Variants in NBAS observed in about 807,000 individuals in gnomAD.
The protein encoded by NBAS is NBAS subunit of NRZ tethering complex.
In NBAS, 219 loss-of-function variants were observed where a neutral mutation model predicts 302.5. That is an observed-to-expected ratio of 0.72 (90% confidence interval 0.65 to 0.81). NBAS has a LOEUF of 0.81. NBAS is among the 30% of genes least tolerant of loss of function. The pLI is 0.00. For synonymous variants in NBAS, 1,118 were observed against 1,021.6 expected (o/e 1.09, Z -1.80); for missense variants, 2,932 against 2,841.6 (o/e 1.03, Z -0.72).
chr2:15,275,777 G>C lies in NBAS; in HGVS notation c.5431C>G (p.Leu1811Val). The C allele has an allele frequency of 6.2e-7, 1 of 1,614,024 alleles. No homozygotes were observed. Among genetic ancestry groups the C allele is most frequent in the Non-Finnish European group, 8.5e-7 (1 of 1,180,012 alleles). The change falls in exon 44 of 52, where the codon CTT becomes GTT. Residue 1811 changes from leucine to valine, a missense_variant. Coordinates refer to ENST00000281513, the MANE Select transcript of NBAS (RefSeq NM_015909.4). Reference sequence around the variant, plus strand: ...GAAAGAACTGGCTCCAATGCTTCAAGAGGACTCATGTTTTCATCTGTCAGC... The same window carrying C: ...GAAAGAACTGGCTCCAATGCTTCAACAGGACTCATGTTTTCATCTGTCAGC... ...KKLTDENMSP[L>V]EALEPVLSSQ... is the part of the protein sequence containing the mutation.
the NBAS span, among the ~76,000 whole-genome samples, chr2:14,942,714 C>T: frequency 6.6e-6 from 1 of 152,310 alleles, no homozygotes; most frequent in Non-Finnish European, 1.5e-5. Flanking sequence ...CCTATTGACA[C>T]AAGGAGAAGC....
the NBAS span, among the ~76,000 whole-genome samples, chr2:14,912,701 TTTAAAAAA>T: frequency 0.17 from 12,301 of 73,418 alleles, 639 homozygotes; most frequent in African/African-American, 0.24. Context: ...TGCATTCATT[TTTAAAAAA>T]AAAAAAAAAA....
chr2:14,820,125 A>G, the NBAS span, among the ~76,000 whole-genome samples: 220 of 152,336 alleles, frequency 1.4e-3, no homozygotes, highest in African/African-American at 5.1e-3. Flanking sequence ...GAAACTAAAA[A>G]TTGAGCTACT....
In NBAS at chr2:15,561,268, C is replaced by A. The variant is rs1424478817; in HGVS notation, c.37G>T (p.Gly13Cys). The change falls in exon 1 of 52, where the codon GGC becomes TGC. Residue 13 changes from glycine (G) to cysteine (C), a missense_variant. Coordinates refer to ENST00000281513, the MANE Select transcript of NBAS (RefSeq NM_015909.4). ...APESGPALSPGTAEGEEETIL... is the reference protein window; with the variant it reads ...APESGPALSPCTAEGEEETIL... ...GTCTCCTCCTCACCCTCTGCAGTGC[C>A]TGGACTCAAAGCCGGCCCTGACTCG... 1 of 1,613,844 alleles carries A rather than the reference C, an allele frequency of 6.2e-7. No individual in the cohort carries two copies. Among genetic ancestry groups the A allele is most frequent in the African/African-American group, 1.3e-5 (1 of 74,934 alleles).
intron 41 of NBAS, among the ~76,000 whole-genome samples, chr2:15,291,201 A>G (rs1670289400): frequency 6.6e-6 from 1 of 152,238 alleles, no homozygotes; most frequent in Admixed American, 6.5e-5. Context: ...TGTGGTGAAG[A>G]TGTGAGGCTT....
chr2:15,353,791 G>C (rs1054207621), intron 33 of NBAS, 81 bp from the exon 34 acceptor site: 3 of 1,578,596 alleles, frequency 1.9e-6, no homozygotes, highest in South Asian at 1.1e-5. Context: ...ATGGCTTCCT[G>C]CTCAGGTCTT....
At chr2:14,988,943 T>A in the NBAS span, among the ~76,000 whole-genome samples, 3 of 152,142 alleles carry the variant, frequency 2.0e-5, no homozygotes, top group Non-Finnish European at 4.4e-5. Context: ...ATGAGTTTAT[T>A]TTAAGAAATA....
At chr2:15,437,002 C>CG (rs1341683641) in intron 21 of NBAS, among the ~76,000 whole-genome samples, 5 of 152,098 alleles carry the variant, frequency 3.3e-5, no homozygotes, top group Admixed American at 6.5e-5. Context: ...TAAGGGTATA[C>CG]GCAATGCTTT....
chr2:15,265,500 T>G (rs1393486568), intron 44 of NBAS, among the ~76,000 whole-genome samples: 6 of 152,146 alleles, frequency 3.9e-5, no homozygotes, highest in Non-Finnish European at 2.9e-5. Context: ...TTTTTGTGAG[T>G]GAATACACTG....
At chr2:14,994,563 T>G in the NBAS span, among the ~76,000 whole-genome samples, 2 of 152,140 alleles carry the variant, frequency 1.3e-5, no homozygotes, top group African/African-American at 4.8e-5. Flanking sequence ...TGGCTGACGC[T>G]CCTCGATTCT....
chr2:15,300,410 T>C (rs991001302), intron 40 of NBAS, among the ~76,000 whole-genome samples: 5 of 152,384 alleles, frequency 3.3e-5, no homozygotes, highest in East Asian at 3.9e-4. Flanking sequence ...TCAGCAGTGC[T>C]GTTTTATGCA....
At chr2:15,527,668 G>A (rs188869108) in intron 9 of NBAS, among the ~76,000 whole-genome samples, 158 of 152,176 alleles carry the variant, frequency 1.0e-3, no homozygotes, top group Middle Eastern at 3.4e-3. Flanking sequence ...TAATGCCGTC[G>A]CATTGGCCAT....
chr2:15,001,858 G>C, the NBAS span, among the ~76,000 whole-genome samples: 1 of 152,142 alleles, frequency 6.6e-6, no homozygotes, highest in Non-Finnish European at 1.5e-5. Context: ...TGGACCCAAA[G>C]AGTGAGCAGT....
intron 28 of NBAS, among the ~76,000 whole-genome samples, chr2:15,384,712 G>A (rs575028716): frequency 5.9e-4 from 89 of 152,058 alleles, no homozygotes; most frequent in Non-Finnish European, 1.0e-3. Flanking sequence ...ATACACATGA[G>A]TTTGGAATCA....
the NBAS span, among the ~76,000 whole-genome samples, chr2:14,959,916 A>G: frequency 6.6e-6 from 1 of 152,202 alleles, no homozygotes; most frequent in Non-Finnish European, 1.5e-5. Flanking sequence ...CCTTTAGGTA[A>G]AAAAATGTTC....
At chr2:15,120,979 T>C in the NBAS span, among the ~76,000 whole-genome samples, 1 of 152,218 alleles carries the variant, frequency 6.6e-6, no homozygotes. Context: ...TCACAGCTTT[T>C]CTCCACCTTT....
At chr2:15,476,726 GA>G (rs1229128084) in intron 13 of NBAS, among the ~76,000 whole-genome samples, 1 of 151,510 alleles carries the variant, frequency 6.6e-6, no homozygotes, top group Non-Finnish European at 1.5e-5. Flanking sequence ...AAAACAAAAA[GA>G]AAAAAAGGAA....
At chr2:15,497,530 C>G (rs1295195028) in intron 11 of NBAS, among the ~76,000 whole-genome samples, 1 of 152,088 alleles carries the variant, frequency 6.6e-6, no homozygotes, top group Admixed American at 6.5e-5. Flanking sequence ...CTGAGGCAAT[C>G]AAGTCTAAGG....
the NBAS span, among the ~76,000 whole-genome samples, chr2:14,904,391 A>G: frequency 1.3e-5 from 2 of 152,206 alleles, no homozygotes; most frequent in Non-Finnish European, 2.9e-5. Flanking sequence ...TAAGTCCAAG[A>G]GTCCAAAGGC....
Sources: allele counts gnomAD v4.1 joint callset (sites outside exome capture counted in the v4.1 genomes callset), GRCh38; gene constraint gnomAD v4.1.1; transcripts MANE v1.5; gene names NCBI Gene and HGNC (gene_info 2026-07-23, HGNC 2026-07-21).